The following GPC3 variants were observed in gnomAD, a reference collection of about 807,000 sequenced individuals.
GPC3 encodes glypican-3.
Under a neutral mutation model 34.4 loss-of-function variants are expected in GPC3, and 3 were observed. That is an observed-to-expected ratio of 0.09 (90% CI 0.04 to 0.23). The LOEUF (loss-of-function observed/expected upper bound fraction) is 0.23, where lower values mean the gene tolerates loss of function less well. Among genes scored for constraint, GPC3 ranks in the 10% least tolerant of loss-of-function variants. The probability of loss-of-function intolerance (pLI) is 1.00; values close to 1 mark genes in which losing one functional copy is unlikely to be tolerated. For synonymous variants in GPC3, 177 were observed against 174.0 expected (o/e 1.02, Z -0.13); for missense variants, 351 against 445.6 (o/e 0.79, Z 1.91).
intron 2 of GPC3, among the ~76,000 whole-genome samples, chrX:133,889,591 C>G (rs752030585): frequency 1.8e-4 from 20 of 110,867 alleles, no homozygotes; most frequent in African/African-American, 6.2e-4. Flanking sequence ...CCCATACATT[C>G]CCTTTTTGGA....
intron 2 of GPC3, among the ~76,000 whole-genome samples, chrX:133,925,040 C>G (rs766946578): frequency 5.5e-5 from 6 of 108,284 alleles, no homozygotes; most frequent in Non-Finnish European, 1.1e-4. Context: ...TCCAGCCTGG[C>G]GACAGAGTGA....
At chrX:133,833,363 A>G (rs2075784925) in intron 2 of GPC3, among the ~76,000 whole-genome samples, 1 of 111,985 alleles carries the variant, frequency 8.9e-6, no homozygotes. Context: ...CATATGATAT[A>G]AGGTCCATAA....
chrX:133,893,861 T>C (rs904689373), intron 2 of GPC3, among the ~76,000 whole-genome samples: 2 of 111,826 alleles, frequency 1.8e-5, no homozygotes, highest in Admixed American at 1.9e-4. Flanking sequence ...TTGCTTTGTT[T>C]TGTTTTTTGA....
At chrX:133,771,719 C>T (rs2071922872) in intron 2 of GPC3, among the ~76,000 whole-genome samples, 1 of 112,206 alleles carries the variant, frequency 8.9e-6, no homozygotes, top group Admixed American at 9.4e-5. Context: ...ACAGTCTATG[C>T]CTCTGGCCCG....
chrX:133,557,722 GT>G (rs1444716695), intron 7 of GPC3, among the ~76,000 whole-genome samples: 1 of 111,761 alleles, frequency 8.9e-6, no homozygotes, highest in Non-Finnish European at 1.9e-5. Context: ...TAATTGTCTG[GT>G]GACCTTGGAT....
chrX:133,862,076 A>ATTT (rs35546133), intron 2 of GPC3, among the ~76,000 whole-genome samples: 140 of 102,337 alleles, frequency 1.4e-3, no homozygotes, highest in African/African-American at 4.8e-3. Flanking sequence ...GAAAAAGGGG[A>ATTT]TTTTTTTTTT....
intron 7 of GPC3, among the ~76,000 whole-genome samples, chrX:133,555,652 A>G (rs1265577361): frequency 9.0e-6 from 1 of 110,733 alleles, no homozygotes; most frequent in African/African-American, 3.3e-5. Context: ...ACATGGTGAA[A>G]CCCTGTCTCT....
chrX:133,729,300 TC>T (rs1237820735), intron 3 of GPC3, among the ~76,000 whole-genome samples: 5 of 111,483 alleles, frequency 4.5e-5, no homozygotes, highest in African/African-American at 9.8e-5. Context: ...CCTCCATTAT[TC>T]CTCAGTCTCC....
At chrX:133,791,080 T>C (rs779275002) in intron 2 of GPC3, among the ~76,000 whole-genome samples, 1 of 111,830 alleles carries the variant, frequency 8.9e-6, no homozygotes, top group East Asian at 2.8e-4. Context: ...ACCACCACTT[T>C]GTGAATAAAA....
At chrX:133,829,332 G>T (rs944852626) in intron 2 of GPC3, among the ~76,000 whole-genome samples, 1 of 112,264 alleles carries the variant, frequency 8.9e-6, no homozygotes, top group African/African-American at 3.2e-5. Flanking sequence ...AAAGTTGGCA[G>T]AATTGAAGAA....
rs750605413 is a variant in GPC3, at chrX:133,733,225, G to A, written c.1032+20257C>T. Among the ~76,000 whole-genome samples the A allele has an allele frequency of 2.9e-4, 32 of 110,917 alleles. 1 individual carries two copies. In the Admixed American group the frequency reaches 3.0e-3, roughly 10 times the overall value. On this transcript the variant is annotated intron_variant, in intron 3 of 7. Transcript: ENST00000370818. ...TGTATGTTCTCACTTATAAGTGGGA[G>A]CTAAGCTATGAGTATATACAAAGGC...
chrX:133,873,518 C>T (rs1302798298), intron 2 of GPC3, among the ~76,000 whole-genome samples: 1 of 111,356 alleles, frequency 9.0e-6, no homozygotes, highest in Non-Finnish European at 1.9e-5. Flanking sequence ...TTACAACATA[C>T]TATTCTAGGC....
At chrX:133,863,697 G>A (rs981641372) in intron 2 of GPC3, among the ~76,000 whole-genome samples, 4 of 87,872 alleles carry the variant, frequency 4.6e-5, no homozygotes, top group East Asian at 3.5e-4. Flanking sequence ...CGCCCAGGTC[G>A]GACTGCGGAC....
chrX:133,717,003 C>T (rs1360923834), intron 3 of GPC3, among the ~76,000 whole-genome samples: 1 of 110,731 alleles, frequency 9.0e-6, no homozygotes, highest in African/African-American at 3.3e-5. Flanking sequence ...CTCTGTCGCC[C>T]AGGCTGGAGG....
intron 2 of GPC3, among the ~76,000 whole-genome samples, chrX:133,847,939 G>A (rs188004773): frequency 3.4e-3 from 380 of 112,239 alleles, no homozygotes; most frequent in African/African-American, 0.012. Context: ...GCAGGGATGT[G>A]TGTCTGATTG....
Position 133,620,659 on chromosome X carries a change from T to C in GPC3, c.1414-24060A>G, listed in dbSNP as rs772252657. ...TACCCTCCTCCCACCCTTTTGGAAT[T>C]ACTGATAGAGCAGACTCTATAATCT... On this transcript the variant is annotated intron_variant, in intron 6 of 7. Transcript: ENST00000370818. Among the ~76,000 whole-genome samples, 6 of 111,316 alleles carry C rather than the reference T, an allele frequency of 5.4e-5. No individual in the cohort carries two copies. In the East Asian group the frequency reaches 8.5e-4, roughly 16 times the overall value.
intron 7 of GPC3, among the ~76,000 whole-genome samples, chrX:133,584,930 C>CA (rs68159308): frequency 0.023 from 1,601 of 68,158 alleles, 36 homozygotes; most frequent in African/African-American, 0.072. Context: ...TATAAAAAGC[C>CA]AAAAAAAAAA....
chrX:133,797,327 G>A (rs2088001103), intron 2 of GPC3, among the ~76,000 whole-genome samples: 1 of 111,060 alleles, frequency 9.0e-6, no homozygotes, highest in Admixed American at 9.6e-5. Context: ...ACAATGTCCA[G>A]TATATAGAAA....
At chrX:133,898,286 C>T (rs181181044) in intron 2 of GPC3, among the ~76,000 whole-genome samples, 22 of 111,719 alleles carry the variant, frequency 2.0e-4, no homozygotes, top group African/African-American at 6.2e-4. Context: ...GGGGTTGTAT[C>T]TATCATCAAT....
Sources: allele counts gnomAD v4.1 joint callset (sites outside exome capture counted in the v4.1 genomes callset), GRCh38; gene constraint gnomAD v4.1.1; transcripts MANE v1.5; gene names NCBI Gene and HGNC (gene_info 2026-07-23, HGNC 2026-07-21).